Variants in ZNF536 observed in about 807,000 individuals in gnomAD.
ZNF536 encodes zinc finger protein 536.
In ZNF536, 13 loss-of-function variants were observed where a neutral mutation model predicts 84.5. That is an observed-to-expected ratio of 0.15 (90% CI 0.10 to 0.24). The LOEUF (loss-of-function observed/expected upper bound fraction) is 0.24. Among genes scored for constraint, ZNF536 ranks in the 10% least tolerant of loss-of-function variants. The pLI is 1.00. For missense variants in ZNF536, 1,536 were observed against 1,747.5 expected (o/e 0.88, Z 2.16); for synonymous variants, 811 against 742.5 (o/e 1.09, Z -1.50).
At chr19:30,705,740 T>G (rs1242849534) in intron 1 of ZNF536, among the ~76,000 whole-genome samples, 1 of 152,206 alleles carries the variant, frequency 6.6e-6, no homozygotes, top group Non-Finnish European at 1.5e-5. Flanking sequence ...TTTATTATGA[T>G]TCTAGCATTG....
intron 1 of ZNF536, among the ~76,000 whole-genome samples, chr19:30,584,526 T>C (rs1371184591): frequency 6.6e-6 from 1 of 152,230 alleles, no homozygotes; most frequent in African/African-American, 2.4e-5. Flanking sequence ...TATATATCTA[T>C]GCAAAGTACA....
At chr19:30,336,669 C>T (rs772860675) in intron 2 of ZNF536, among the ~76,000 whole-genome samples, 6 of 151,844 alleles carry the variant, frequency 4.0e-5, no homozygotes, top group Non-Finnish European at 8.8e-5. Flanking sequence ...GAAGGTGTGT[C>T]TGGGGGCAGG....
intron 1 of ZNF536, among the ~76,000 whole-genome samples, chr19:30,654,025 G>C (rs2049809918): frequency 6.6e-6 from 1 of 152,196 alleles, no homozygotes; most frequent in Non-Finnish European, 1.5e-5. Flanking sequence ...CTGTTCCTTA[G>C]CTCTCTAGTT....
At chr19:30,665,404 A>G (rs1301385876) in intron 1 of ZNF536, 2 of 152,240 alleles carry the variant, frequency 1.3e-5, no homozygotes, top group Non-Finnish European at 2.9e-5. Flanking sequence ...GCGTTGTTTG[A>G]AGAGCTGTCT....
chr19:30,323,429 A>G (rs2046923146), intron 2 of ZNF536, among the ~76,000 whole-genome samples: 1 of 152,180 alleles, frequency 6.6e-6, no homozygotes, highest in African/African-American at 2.4e-5. Flanking sequence ...CAATAATTTT[A>G]TTCTTTTAAA....
At chr19:30,403,933 G>T (rs1008330864) in intron 1 of ZNF536, among the ~76,000 whole-genome samples, 1 of 151,670 alleles carries the variant, frequency 6.6e-6, no homozygotes, top group Non-Finnish European at 1.5e-5. Context: ...CTTGGCCGAA[G>T]AACTCATGGG....
At chr19:30,227,646 G>A (rs1385861848), upstream of ZNF536, among the ~76,000 whole-genome samples, 2 of 151,970 alleles carry the variant, frequency 1.3e-5, no homozygotes, top group African/African-American at 2.4e-5. Context: ...GGGAGCCGGC[G>A]GCCGGCGGGG....
At chr19:30,640,862 G>A (rs184464048) in intron 1 of ZNF536, among the ~76,000 whole-genome samples, 8 of 152,332 alleles carry the variant, frequency 5.3e-5, no homozygotes, top group South Asian at 2.1e-4. Context: ...GCAGAATGCC[G>A]TCATTCACAG....
intron 1 of ZNF536, among the ~76,000 whole-genome samples, chr19:30,438,412 C>G (rs899617930): frequency 6.6e-6 from 1 of 152,166 alleles, no homozygotes; most frequent in Non-Finnish European, 1.5e-5. Context: ...TTCTGGACAT[C>G]AGTCCAGGTG....
chr19:30,549,892 T>C (rs2045706745), intron 4 of ZNF536, among the ~76,000 whole-genome samples: 1 of 152,252 alleles, frequency 6.6e-6, no homozygotes, highest in African/African-American at 2.4e-5. Flanking sequence ...ATTTTCAATT[T>C]ATGCAAAAGA....
chr19:30,252,514 T>G (rs1039736819), intron 1 of ZNF536, among the ~76,000 whole-genome samples: 2 of 152,182 alleles, frequency 1.3e-5, no homozygotes, highest in African/African-American at 4.8e-5. Flanking sequence ...ATTCCTGTGA[T>G]GCGAATGGAC....
At chr19:30,423,526 G>A (rs1238052088) in intron 1 of ZNF536, among the ~76,000 whole-genome samples, 1 of 152,224 alleles carries the variant, frequency 6.6e-6, no homozygotes, top group Non-Finnish European at 1.5e-5. Flanking sequence ...TGAGTGGATT[G>A]GTAAATCCCT....
At chr19:30,276,534 A>G (rs918160966) in intron 1 of ZNF536, among the ~76,000 whole-genome samples, 1 of 152,126 alleles carries the variant, frequency 6.6e-6, no homozygotes, top group Non-Finnish European at 1.5e-5. Flanking sequence ...TCAGCTTTTT[A>G]GTTTTTTTTA....
intron 1 of ZNF536, among the ~76,000 whole-genome samples, chr19:30,237,417 C>T (rs772504277): frequency 3.9e-4 from 60 of 152,084 alleles, no homozygotes; most frequent in Non-Finnish European, 4.9e-4. Flanking sequence ...CCTTGTTTCT[C>T]TAGGAATCAG....
At chr19:30,274,578 CTA>C (rs1202108632) in intron 1 of ZNF536, among the ~76,000 whole-genome samples, 1 of 152,296 alleles carries the variant, frequency 6.6e-6, no homozygotes, top group East Asian at 1.9e-4. Context: ...CAGTGCAGTT[CTA>C]TGTGATGGCA....
intron 2 of ZNF536, among the ~76,000 whole-genome samples, chr19:30,286,063 C>T (rs2045614380): frequency 6.6e-6 from 1 of 152,144 alleles, no homozygotes; most frequent in Non-Finnish European, 1.5e-5. Flanking sequence ...TGAAATACAG[C>T]CCTCTTCCTC....
chr19:30,447,595 T>C (rs1478055362), intron 2 of ZNF536, among the ~76,000 whole-genome samples: 1 of 152,196 alleles, frequency 6.6e-6, no homozygotes, highest in Non-Finnish European at 1.5e-5. Context: ...GGAGCGACTG[T>C]CACATGGAAC....
intron 2 of ZNF536, among the ~76,000 whole-genome samples, chr19:30,490,650 G>T (rs371892920): frequency 6.6e-6 from 1 of 152,074 alleles, no homozygotes; most frequent in African/African-American, 2.4e-5. Flanking sequence ...CAGAAATAAG[G>T]CCCTATTGTT....
intron 3 of ZNF536, among the ~76,000 whole-genome samples, chr19:30,361,328 C>CT (rs976195989): frequency 2.0e-5 from 3 of 152,070 alleles, no homozygotes; most frequent in African/African-American, 4.8e-5. Flanking sequence ...TTCCTTCCTT[C>CT]TTTTTTTCTC....
Sources: allele counts gnomAD v4.1 joint callset (sites outside exome capture counted in the v4.1 genomes callset), GRCh38; gene constraint gnomAD v4.1.1; transcripts MANE v1.5; gene names NCBI Gene and HGNC (gene_info 2026-07-23, HGNC 2026-07-21).